PPP2R3C: variants seen among roughly 807,000 people sequenced by gnomAD.
PPP2R3C encodes the protein serine/threonine-protein phosphatase 2A regulatory subunit B'' subunit gamma.
In PPP2R3C, 47 loss-of-function variants were observed where a neutral mutation model predicts 63.7. That is an observed-to-expected ratio of 0.74 (90% confidence interval 0.58 to 0.94). PPP2R3C has a LOEUF of 0.94. Ranked by LOEUF, PPP2R3C falls within the 40% of genes least tolerant of loss-of-function variation. PPP2R3C has a pLI of 0.00. For synonymous variants in PPP2R3C, 180 were observed against 177.4 expected, an observed-to-expected ratio of 1.01 and a Z score of -0.12; for missense variants, 421 against 518.4, an observed-to-expected ratio of 0.81 and a Z score of 1.82.
intron 6 of PPP2R3C, chr14:35,106,608 G>C (rs2046367079): frequency 6.6e-6 from 1 of 150,490 alleles, no homozygotes; most frequent in African/African-American, 2.5e-5. Flanking sequence ...CTCCCAAAGT[G>C]CTGGGAGTAC....
intron 12 of PPP2R3C, chr14:35,087,433 CTTG>C (rs921597169): frequency 8.3e-5 from 13 of 156,664 alleles, no homozygotes; most frequent in Non-Finnish European, 1.4e-5. Context: ...GAGTTTCACT[CTTG>C]TTGTCCAGGC....
At chr14:35,085,874 AC>A in intron 12 of PPP2R3C, 96 bp from the exon 13 acceptor site, 1 of 957,362 alleles carries the variant, frequency 1.0e-6, no homozygotes, top group Non-Finnish European at 1.5e-6. Context: ...CCACTGAAGT[AC>A]AGAGGAATAA....
intron 2 of PPP2R3C, among the ~76,000 whole-genome samples, chr14:35,111,370 C>T (rs2138699221): frequency 6.6e-6 from 1 of 152,132 alleles, no homozygotes; most frequent in Middle Eastern, 3.4e-3. Context: ...TCTGACCTAA[C>T]CAACTCCATC....
intron 2 of PPP2R3C, among the ~76,000 whole-genome samples, chr14:35,115,675 G>A (rs1195960769): frequency 1.3e-5 from 2 of 152,116 alleles, no homozygotes; most frequent in African/African-American, 4.8e-5. Context: ...AGGCTGGAGT[G>A]CAGTGGCGCG....
In PPP2R3C at chr14:35,108,381, T is replaced by C. The variant is rs2046428699; in HGVS notation, c.405-145A>G. On this transcript the variant is annotated intron_variant, in intron 4 of 12. Coordinates refer to ENST00000261475, the MANE Select transcript of PPP2R3C (RefSeq NM_017917.4). ...CCTTATAATTCAAAAACTTAAAATA[T>C]TAAGTCAAACTTTTTTTTTTTTTTA... is the stretch of plus-strand genomic sequence containing the variant. The C allele has an allele frequency of 2.6e-6, 3 of 1,142,708 alleles. No homozygotes were observed. The South Asian group carries it at 6.7e-5, about 26-fold the overall frequency. The allele number at this position is 1,142,708 out of a possible 1,614,324, so 70.8% of individuals were successfully genotyped here.
intron 10 of PPP2R3C, among the ~76,000 whole-genome samples, chr14:35,093,841 C>T (rs941151171): frequency 1.5e-4 from 23 of 152,144 alleles, no homozygotes; most frequent in East Asian, 7.7e-4. Context: ...TTAGTAGAGA[C>T]GGGGTTTCAC....
In PPP2R3C at chr14:35,110,558, T is replaced by G; in HGVS notation, c.258A>C (p.Lys86Asn). The change falls in exon 3 of 13, where the codon AAA becomes AAC. Residue 86 changes from lysine to asparagine, a missense_variant. Lys to Asn is a moderately conservative substitution (Grantham distance 94). Coordinates refer to ENST00000261475, the MANE Select transcript of PPP2R3C (RefSeq NM_017917.4). ...CTTCATTATCTAACAGTTCTCTGCT[T>G]TTTCTTTGTAGAAAGACAGCTCTTG... ...EESRAVFLQR[K>N]SRELLDNEEL... 1 of 1,612,292 alleles carries G rather than the reference T, an allele frequency of 6.2e-7. No homozygotes were observed. Among genetic ancestry groups the G allele is most frequent in the Non-Finnish European group, 8.5e-7 (1 of 1,179,132 alleles).
chr14:35,090,645 A>G (rs2045777713), intron 11 of PPP2R3C, among the ~76,000 whole-genome samples: 1 of 150,232 alleles, frequency 6.7e-6, no homozygotes, highest in Admixed American at 6.6e-5. Flanking sequence ...GATCTTTAAC[A>G]TTTTCCAGTA....
rs1166478029 is a variant in PPP2R3C, at chr14:35,107,484, A to G, written c.503-110T>C. The G allele has an allele frequency of 7.2e-6, 6 of 827,956 alleles. No individual in the cohort carries two copies. In the East Asian group the frequency reaches 1.5e-4, roughly 21 times the overall value. 51.3% of individuals were successfully genotyped at this position (827,956 alleles called of 1,614,324 possible). On this transcript the variant is annotated intron_variant, in intron 5 of 12. Transcript: ENST00000261475. The stretch of plus-strand genomic sequence containing the variant: ...AAGCTAATCTAGTAACTCTAAAAAC[A>G]TTTCTTCTCACCACAAAATTGCTTG...
rs1425881794 is a variant in PPP2R3C at position 35,097,516 on chromosome 14, C to T, written c.707-752G>A. ...TTTTTTTTTGAGACAGAGTTTCGCT[C>T]TTGTTGCCCAGGCTGGAGTGCAATG... On this transcript the variant is annotated intron_variant, in intron 7 of 12. Transcript: ENST00000261475. 2.8e-5 allele frequency among the ~76,000 whole-genome samples: 4 copies of T among 144,218 alleles called. No individual in the cohort carries two copies. The Admixed American group carries it at 2.8e-4, about 10-fold the overall frequency. 94.6% of individuals were successfully genotyped at this position (144,218 alleles called of 152,430 possible). A position where few individuals can be genotyped will look rare whatever the true frequency, so the allele number is the denominator to read the frequency against.
At chr14:35,115,348 C>T (rs1047988617) in intron 2 of PPP2R3C, among the ~76,000 whole-genome samples, 1 of 150,834 alleles carries the variant, frequency 6.6e-6, no homozygotes, top group African/African-American at 2.4e-5. Flanking sequence ...TGGAGAGACA[C>T]GATCTCACCA....
chr14:35,111,541 C>T (rs1036444876), intron 2 of PPP2R3C, among the ~76,000 whole-genome samples: 1 of 152,158 alleles, frequency 6.6e-6, no homozygotes, highest in Non-Finnish European at 1.5e-5. Context: ...CAGGAGGATG[C>T]GAAGGACCAG....
Position 35,109,951 on chromosome 14 carries a change from T to C in PPP2R3C, c.292-20A>G, listed in dbSNP as rs758814580. On this transcript the variant is annotated intron_variant, in intron 3 of 12. Transcript: ENST00000261475. ...TAAGTTCTTAAGAGAATTGTGGAAG[T>C]GAAGATGTTGTAAGTTAAAAACAAC... The C allele has an allele frequency of 3.3e-6, 5 of 1,514,804 alleles. No homozygotes were observed. In the South Asian group the frequency reaches 4.7e-5, roughly 14 times the overall value. The allele number at this position is 1,514,804 out of a possible 1,614,324, so 93.8% of individuals were successfully genotyped here.
chr14:35,098,059 A>G (rs180913921), intron 7 of PPP2R3C, among the ~76,000 whole-genome samples: 242 of 152,358 alleles, frequency 1.6e-3, no homozygotes, highest in Admixed American at 3.3e-3. Context: ...AGCATACTAC[A>G]TAAGTCAAAA....
chr14:35,098,813 G>A (rs2046092356), intron 7 of PPP2R3C: 2 of 156,462 alleles, frequency 1.3e-5, no homozygotes, highest in African/African-American at 4.8e-5. Flanking sequence ...TCCTTATAGA[G>A]AATAAGAAAA....
At chr14:35,092,832 TAAG>T (rs1001799047) in intron 10 of PPP2R3C, among the ~76,000 whole-genome samples, 1 of 152,106 alleles carries the variant, frequency 6.6e-6, no homozygotes, top group African/African-American at 2.4e-5. Flanking sequence ...AGATTTCCAA[TAAG>T]AAGCTGTCTT....
chr14:35,115,208 G>C (rs1175691620), intron 2 of PPP2R3C, among the ~76,000 whole-genome samples: 1 of 150,114 alleles, frequency 6.7e-6, no homozygotes, highest in Non-Finnish European at 1.5e-5. Flanking sequence ...TGCCACCCAG[G>C]CTGGAATGCA....
intron 1 of PPP2R3C, among the ~76,000 whole-genome samples, chr14:35,121,345 C>A (rs982946640): frequency 3.3e-5 from 5 of 152,062 alleles, no homozygotes; most frequent in African/African-American, 9.7e-5. Context: ...CCACTGCACT[C>A]CAGCCAGCCT....
intron 6 of PPP2R3C, among the ~76,000 whole-genome samples, chr14:35,104,831 A>C (rs954267656): frequency 1.3e-5 from 2 of 151,866 alleles, no homozygotes; most frequent in Admixed American, 1.3e-4. Flanking sequence ...TCTTGGGTTC[A>C]AGCGATTCTC....
Sources: allele counts gnomAD v4.1 joint callset (sites outside exome capture counted in the v4.1 genomes callset), GRCh38; gene constraint gnomAD v4.1.1; transcripts MANE v1.5; gene names NCBI Gene and HGNC (gene_info 2026-07-23, HGNC 2026-07-21).